Variants in ZC4H2 observed in about 807,000 individuals in gnomAD.
ZC4H2 encodes the protein zinc finger C4H2 domain-containing protein.
For missense variants in ZC4H2, 137 were observed against 173.9 expected, an observed-to-expected ratio of 0.79 and a Z score of 1.19; for synonymous variants, 84 against 66.3, an observed-to-expected ratio of 1.27 and a Z score of -1.30.
At chrX:64,935,638 A>G (rs1436424023) in intron 1 of ZC4H2, among the ~76,000 whole-genome samples, 1 of 112,056 alleles carries the variant, frequency 8.9e-6, no homozygotes, top group Non-Finnish European at 1.9e-5. Flanking sequence ...ACAGGCAGCA[A>G]TCGTTGCCGT....
intron 1 of ZC4H2, among the ~76,000 whole-genome samples, chrX:65,007,755 C>T (rs1261328777): frequency 7.2e-5 from 8 of 111,619 alleles, no homozygotes; most frequent in African/African-American, 2.6e-4. Flanking sequence ...TATCCATATG[C>T]AGATGAATGA....
chrX:65,017,284 C>T (rs1279386985), intron 1 of ZC4H2, among the ~76,000 whole-genome samples: 1 of 111,876 alleles, frequency 8.9e-6, no homozygotes, highest in African/African-American at 3.3e-5. Flanking sequence ...GTTTATCCTC[C>T]TAGGACCAAA....
At chrX:64,929,631 C>T (rs746321786) in intron 1 of ZC4H2, among the ~76,000 whole-genome samples, 1 of 111,207 alleles carries the variant, frequency 9.0e-6, no homozygotes, top group Non-Finnish European at 1.9e-5. Context: ...GTGTCCTTTC[C>T]CCACTTTATG....
chrX:64,917,906 G>T lies in ZC4H2; in HGVS notation c.562-10C>A, dbSNP rs779577578. 1.4e-5 allele frequency: 17 copies of T among 1,198,651 alleles called. No homozygotes were observed. Among genetic ancestry groups the T allele is most frequent in the Non-Finnish European group, 1.8e-5 (16 of 889,715 alleles). On this transcript the variant is annotated splice_polypyrimidine_tract_variant and intron_variant, in intron 4 of 4. Coordinates refer to ENST00000374839, the MANE Select transcript of ZC4H2 (RefSeq NM_018684.4). ...GACATGACAAGCAGGCCTGGTGAGG[G>T]ACACAGGAAAAAGAAAGTTAGTAGT...
chrX:64,939,577 G>A (rs1930171937), intron 1 of ZC4H2, among the ~76,000 whole-genome samples: 1 of 111,738 alleles, frequency 8.9e-6, no homozygotes, highest in East Asian at 2.8e-4. Flanking sequence ...GCATGCTACT[G>A]GTACCAAAAC....
At chrX:64,942,894 T>G (rs67242130) in intron 1 of ZC4H2, among the ~76,000 whole-genome samples, 25,288 of 111,302 alleles carry the variant, frequency 0.23, 6,911 homozygotes, top group African/African-American at 0.78. Context: ...GATCCTTGAA[T>G]AATCACCACA....
At chrX:64,926,464 C>T (rs888773894) in intron 1 of ZC4H2, among the ~76,000 whole-genome samples, 1 of 111,847 alleles carries the variant, frequency 8.9e-6, no homozygotes, top group Non-Finnish European at 1.9e-5. Context: ...TTTCAATAAA[C>T]TGCCCAACTG....
At chrX:64,950,333 G>C (rs1281508347) in intron 1 of ZC4H2, among the ~76,000 whole-genome samples, 1 of 111,748 alleles carries the variant, frequency 8.9e-6, no homozygotes, top group Non-Finnish European at 1.9e-5. Context: ...TGTTGACTTG[G>C]GGTGGAGAAT....
At chrX:64,925,841 C>A (rs1310834308) in intron 1 of ZC4H2, among the ~76,000 whole-genome samples, 1 of 111,947 alleles carries the variant, frequency 8.9e-6, no homozygotes, top group Non-Finnish European at 1.9e-5. Flanking sequence ...CTGCCACCAG[C>A]AAGATGGCAG....
intron 1 of ZC4H2, among the ~76,000 whole-genome samples, chrX:64,951,403 T>G (rs1930826186): frequency 8.9e-6 from 1 of 111,747 alleles, no homozygotes; most frequent in African/African-American, 3.3e-5. Context: ...TTGAACTAGT[T>G]TACAGTCCCA....
At chrX:64,997,620 T>G (rs763573479) in intron 1 of ZC4H2, among the ~76,000 whole-genome samples, 8 of 112,472 alleles carry the variant, frequency 7.1e-5, no homozygotes, top group Non-Finnish European at 1.3e-4. Flanking sequence ...TGGCATTTAT[T>G]TTTTTGAGAC....
chrX:64,931,719 TTGATA>T (rs1271399874), intron 1 of ZC4H2, among the ~76,000 whole-genome samples: 23 of 111,979 alleles, frequency 2.1e-4, no homozygotes, highest in African/African-American at 6.5e-4. Context: ...GAGAAAATGC[TTGATA>T]TAATTTTGAT....
intron 1 of ZC4H2, among the ~76,000 whole-genome samples, chrX:65,017,853 G>A (rs1233742451): frequency 8.9e-6 from 1 of 112,087 alleles, no homozygotes; most frequent in Non-Finnish European, 1.9e-5. Flanking sequence ...CAGATAACAA[G>A]GATAGAGGGT....
chrX:65,008,667 C>A (rs1481396096), intron 1 of ZC4H2, among the ~76,000 whole-genome samples: 3 of 111,985 alleles, frequency 2.7e-5, no homozygotes, highest in African/African-American at 6.5e-5. Flanking sequence ...TTGCAACAAC[C>A]TGGATGGAAC....
intron 1 of ZC4H2, among the ~76,000 whole-genome samples, chrX:64,965,949 C>CAAAAAAAAAAA (rs148777993): frequency 3.2e-4 from 12 of 37,578 alleles, no homozygotes; most frequent in South Asian, 3.7e-3. Flanking sequence ...AACAAAGAAG[C>CAAAAAAAAAAA]AAAAAAAAAA....
chrX:64,952,817 A>G (rs1279634666), intron 1 of ZC4H2, among the ~76,000 whole-genome samples: 1 of 111,027 alleles, frequency 9.0e-6, no homozygotes, highest in Non-Finnish European at 1.9e-5. Flanking sequence ...GGAAAAAAAA[A>G]CTACTGTAAA....
In ZC4H2 at chrX:64,958,086, C is replaced by T. The variant is rs776638736; in HGVS notation, c.53+18239G>A. 9.0e-5 allele frequency among the ~76,000 whole-genome samples: 10 copies of T among 111,110 alleles called. No individual in the cohort carries two copies. In the Admixed American group the frequency reaches 9.6e-4, roughly 11 times the overall value. On this transcript the variant is annotated intron_variant, in intron 1 of 4. Transcript: ENST00000374839. ...TTTTTTTTAATAAGTAAGAGGAGTA[C>T]ACTCTAAAATAATGATAAAAAGTAT... is the stretch of plus-strand genomic sequence containing the variant.
At chrX:64,983,049 T>C (rs1159446298) in intron 1 of ZC4H2, among the ~76,000 whole-genome samples, 1 of 111,215 alleles carries the variant, frequency 9.0e-6, no homozygotes, top group East Asian at 2.8e-4. Context: ...CACGTATAAT[T>C]GCCCAGCTTG....
At chrX:65,020,974 T>A (rs2147291867) in intron 1 of ZC4H2, among the ~76,000 whole-genome samples, 1 of 108,944 alleles carries the variant, frequency 9.2e-6, no homozygotes, top group East Asian at 2.8e-4. Context: ...CAAGAAGAGC[T>A]AACTATCCTA....
Sources: allele counts gnomAD v4.1 joint callset (sites outside exome capture counted in the v4.1 genomes callset), GRCh38; gene constraint gnomAD v4.1.1; transcripts MANE v1.5; gene names NCBI Gene and HGNC (gene_info 2026-07-23, HGNC 2026-07-21).